The following NDST4 variants were observed in gnomAD, a reference collection of about 807,000 sequenced individuals.
The protein encoded by NDST4 is N-deacetylase and N-sulfotransferase 4, also known as N-heparan sulfate sulfotransferase 4.
In NDST4, 63 loss-of-function variants were observed where a neutral mutation model predicts 100.8. The observed-to-expected ratio is 0.62, with a 90% CI of 0.51 to 0.77. The LOEUF (loss-of-function observed/expected upper bound fraction) is 0.77, where lower values mean the gene tolerates loss of function less well. NDST4 is among the 30% of genes least tolerant of loss of function. The pLI is 0.00. For synonymous variants in NDST4, 377 were observed against 361.8 expected (o/e 1.04, Z -0.48); for missense variants, 943 against 1,018.4 (o/e 0.93, Z 1.01).
chr4:115,044,533 G>C (rs1159465038), intron 2 of NDST4, among the ~76,000 whole-genome samples: 1 of 151,928 alleles, frequency 6.6e-6, no homozygotes, highest in Non-Finnish European at 1.5e-5. Context: ...CCATGGCAAG[G>C]CTAAAAATAT....
chr4:115,073,572 T>G (rs181518366), intron 2 of NDST4, among the ~76,000 whole-genome samples: 7 of 152,074 alleles, frequency 4.6e-5, no homozygotes, highest in Non-Finnish European at 2.9e-5. Flanking sequence ...CACAGCAAGA[T>G]AAATACATAA....
chr4:114,991,459 C>T (rs1727037771), intron 2 of NDST4, among the ~76,000 whole-genome samples: 1 of 151,864 alleles, frequency 6.6e-6, no homozygotes, highest in South Asian at 2.1e-4. Flanking sequence ...AAAGCAAAGG[C>T]AAATAAATAT....
chr4:115,033,269 G>C (rs1473740731), intron 2 of NDST4, among the ~76,000 whole-genome samples: 1 of 149,424 alleles, frequency 6.7e-6, no homozygotes, highest in African/African-American at 2.5e-5. Flanking sequence ...TCAGCCTCCC[G>C]AGTAGCGAGG....
chr4:114,906,547 A>G (rs1163503692), intron 6 of NDST4, among the ~76,000 whole-genome samples: 3 of 151,950 alleles, frequency 2.0e-5, no homozygotes. Flanking sequence ...CAGGCCTACC[A>G]CCAACTCAAA....
intron 6 of NDST4, among the ~76,000 whole-genome samples, chr4:114,925,123 A>T (rs1311365957): frequency 2.0e-5 from 3 of 152,136 alleles, no homozygotes; most frequent in Non-Finnish European, 4.4e-5. Flanking sequence ...TCTCCATGGA[A>T]TATTATCTCA....
chr4:114,838,906 A>G (rs1723364582), intron 11 of NDST4, among the ~76,000 whole-genome samples: 1 of 151,012 alleles, frequency 6.6e-6, no homozygotes, highest in Non-Finnish European at 1.5e-5. Context: ...CCATTATAAC[A>G]CTCCCCATTT....
chr4:115,057,737 C>CACAG (rs1553920456), intron 2 of NDST4, among the ~76,000 whole-genome samples: 817 of 73,858 alleles, frequency 0.011, 5 homozygotes, highest in Middle Eastern at 0.028. Flanking sequence ...CACACACAGA[C>CACAG]ACACACACAC....
At chr4:115,093,855 G>T (rs545439086) in intron 1 of NDST4, among the ~76,000 whole-genome samples, 1 of 151,838 alleles carries the variant, frequency 6.6e-6, no homozygotes, top group African/African-American at 2.4e-5. Context: ...TAATGTAAGC[G>T]GTCATCTTAA....
chr4:114,955,294 C>A (rs551661935), intron 4 of NDST4, among the ~76,000 whole-genome samples: 11 of 152,122 alleles, frequency 7.2e-5, no homozygotes, highest in African/African-American at 2.7e-4. Context: ...GGCAACAGTG[C>A]GGATTGACTG....
chr4:115,039,164 G>A (rs1442024937), intron 2 of NDST4, among the ~76,000 whole-genome samples: 1 of 152,140 alleles, frequency 6.6e-6, no homozygotes. Flanking sequence ...ACCTATAGGT[G>A]AGAAATTCAT....
intron 2 of NDST4, among the ~76,000 whole-genome samples, chr4:114,996,754 C>T (rs1288515124): frequency 2.0e-5 from 3 of 152,066 alleles, no homozygotes; most frequent in Non-Finnish European, 2.9e-5. Flanking sequence ...GGTATGTGTT[C>T]CTCACTAGTT....
intron 4 of NDST4, among the ~76,000 whole-genome samples, chr4:114,968,340 T>C (rs1379357550): frequency 1.3e-5 from 2 of 152,210 alleles, no homozygotes. Flanking sequence ...CTAGGGTCTT[T>C]GCTGGATTCA....
intron 9 of NDST4, 100 bp from the exon 10 acceptor site, chr4:114,846,097 A>C (rs1349413360): frequency 1.1e-6 from 1 of 883,404 alleles, no homozygotes; most frequent in Non-Finnish European, 1.7e-6. Context: ...ATTTATAGCT[A>C]TTTCTGATTA....
intron 6 of NDST4, among the ~76,000 whole-genome samples, chr4:114,878,075 G>C (rs960698086): frequency 2.0e-5 from 3 of 151,706 alleles, no homozygotes; most frequent in Non-Finnish European, 2.9e-5. Flanking sequence ...ACAAAGAAAA[G>C]CTCCAGAATC....
chr4:114,856,822 T>C (rs1723806102), intron 7 of NDST4, among the ~76,000 whole-genome samples: 1 of 152,082 alleles, frequency 6.6e-6, no homozygotes, highest in South Asian at 2.1e-4. Flanking sequence ...GCATACAAAG[T>C]TTTAGGAGCC....
chr4:114,890,979 C>A (rs932035433), intron 6 of NDST4, among the ~76,000 whole-genome samples: 1 of 151,990 alleles, frequency 6.6e-6, no homozygotes, highest in Non-Finnish European at 1.5e-5. Flanking sequence ...CTCATTAGTT[C>A]TTTTGTATTT....
chr4:114,930,191 T>C (rs1463610734), intron 6 of NDST4, among the ~76,000 whole-genome samples: 1 of 152,206 alleles, frequency 6.6e-6, no homozygotes, highest in Non-Finnish European at 1.5e-5. Flanking sequence ...TTTTGAAATA[T>C]GCACAAAAAT....
chr4:114,927,155 T>C lies in NDST4; in HGVS notation c.1536+8051A>G, dbSNP rs1006468285. On this transcript the variant is annotated intron_variant, in intron 6 of 13. Coordinates refer to ENST00000264363, the MANE Select transcript of NDST4 (RefSeq NM_022569.3). ...ACTATTATTTCTCCATTTCCTCCGATCTTATAATTATAGATTAGATCCAAA... is the reference window on the plus strand; with the variant it reads ...ACTATTATTTCTCCATTTCCTCCGACCTTATAATTATAGATTAGATCCAAA... 2.6e-5 allele frequency among the ~76,000 whole-genome samples: 4 copies of C among 152,016 alleles called. No individual in the cohort carries two copies. The South Asian group carries it at 8.3e-4, about 31-fold the overall frequency.
At position 114,986,827 on chromosome 4, in the gene NDST4, TA is replaced by T. The variant is rs1425515582; in HGVS notation, c.979-9554del. On this transcript the variant is annotated intron_variant, in intron 2 of 13. Transcript: ENST00000264363. ...ATATATATATATATATATATATATA[TA>T]TATATTTTAATATACTATTCCTATA... 1.1e-3 allele frequency among the ~76,000 whole-genome samples: 139 copies of T among 128,490 alleles called. 2 individuals are homozygous for T. Among genetic ancestry groups the T allele is most frequent in the Middle Eastern group, 4.1e-3 (1 of 242 alleles). The allele number at this position is 128,490 out of a possible 152,430, so 84.3% of individuals were successfully genotyped here.
Sources: allele counts gnomAD v4.1 joint callset (sites outside exome capture counted in the v4.1 genomes callset), GRCh38; gene constraint gnomAD v4.1.1; transcripts MANE v1.5; gene names NCBI Gene and HGNC (gene_info 2026-07-23, HGNC 2026-07-21).